DPP10: variants seen among roughly 807,000 people sequenced by gnomAD.
The protein encoded by DPP10 is inactive dipeptidyl peptidase 10.
DPP10 carries 33 observed loss-of-function variants against 120.9 expected under a neutral mutation model. The observed-to-expected ratio is 0.27, with a 90% CI of 0.21 to 0.37. DPP10 has a LOEUF of 0.37. Among genes scored for constraint, DPP10 ranks in the 10% least tolerant of loss-of-function variants. The pLI is 1.00. For synonymous variants in DPP10, 337 were observed against 326.1 expected (o/e 1.03, Z -0.36); for missense variants, 816 against 942.8 (o/e 0.87, Z 1.76).
chr2:114,823,944 G>C (rs1462711894), intron 1 of DPP10, among the ~76,000 whole-genome samples: 1 of 152,160 alleles, frequency 6.6e-6, no homozygotes, highest in Non-Finnish European at 1.5e-5. Flanking sequence ...GGATGGAAAG[G>C]GACTGGGAGG....
intron 2 of DPP10, among the ~76,000 whole-genome samples, chr2:115,321,295 C>A (rs1421850599): frequency 6.6e-6 from 1 of 152,056 alleles, no homozygotes; most frequent in African/African-American, 2.4e-5. Flanking sequence ...GAGTGAAACC[C>A]CATCTCAAAA....
At chr2:115,793,697 AAT>A (rs1362603549) in intron 19 of DPP10, among the ~76,000 whole-genome samples, 2,076 of 152,158 alleles carry the variant, frequency 0.014, 50 homozygotes, top group African/African-American at 0.045. Flanking sequence ...AGGAAGAATG[AAT>A]GAAAATGAGT....
intron 3 of DPP10, among the ~76,000 whole-genome samples, chr2:115,458,662 A>T (rs892395617): frequency 1.3e-5 from 2 of 152,104 alleles, no homozygotes; most frequent in African/African-American, 4.8e-5. Flanking sequence ...ATATATACGT[A>T]TTGAGCATTG....
At chr2:114,956,727 A>T (rs555089663) in intron 1 of DPP10, among the ~76,000 whole-genome samples, 43 of 152,140 alleles carry the variant, frequency 2.8e-4, no homozygotes, top group Non-Finnish European at 5.7e-4. Flanking sequence ...GAAACAGAAT[A>T]ATACTGGCAT....
chr2:115,018,543 A>G (rs1449736198), intron 1 of DPP10, among the ~76,000 whole-genome samples: 6 of 152,178 alleles, frequency 3.9e-5, no homozygotes, highest in African/African-American at 1.4e-4. Context: ...GAATGAGTGA[A>G]AAAATATGTC....
intron 3 of DPP10, among the ~76,000 whole-genome samples, chr2:115,414,454 A>C (rs1198864508): frequency 1.3e-5 from 2 of 152,222 alleles, no homozygotes; most frequent in African/African-American, 2.4e-5. Flanking sequence ...AAATCAATTA[A>C]TACTATTTAA....
intron 7 of DPP10, among the ~76,000 whole-genome samples, chr2:115,724,588 T>A (rs1453637636): frequency 6.6e-6 from 1 of 152,188 alleles, no homozygotes; most frequent in Non-Finnish European, 1.5e-5. Context: ...AGACCATTGA[T>A]TTTGAAAAAC....
intron 4 of DPP10, among the ~76,000 whole-genome samples, chr2:115,509,572 G>T (rs2077119359): frequency 6.6e-6 from 1 of 152,040 alleles, no homozygotes; most frequent in Non-Finnish European, 1.5e-5. Flanking sequence ...GAACCTTTAA[G>T]TTAAAAATAG....
At chr2:114,678,930 G>A (rs1024301978) in intron 1 of DPP10, among the ~76,000 whole-genome samples, 2 of 151,878 alleles carry the variant, frequency 1.3e-5, no homozygotes, top group South Asian at 2.1e-4. Flanking sequence ...TCAGACACAC[G>A]GATGCGTCTC....
chr2:114,963,394 G>A (rs888052534), intron 1 of DPP10, among the ~76,000 whole-genome samples: 1 of 152,128 alleles, frequency 6.6e-6, no homozygotes, highest in Non-Finnish European at 1.5e-5. Context: ...AGGAAAAAAA[G>A]CGTAATTTGC....
At chr2:115,281,885 A>C (rs2105878916) in intron 1 of DPP10, among the ~76,000 whole-genome samples, 1 of 152,226 alleles carries the variant, frequency 6.6e-6, no homozygotes, top group South Asian at 2.1e-4. Context: ...ATACTGAGAA[A>C]TTTTAGAAAT....
intron 1 of DPP10, among the ~76,000 whole-genome samples, chr2:114,698,777 C>T (rs1399324181): frequency 6.6e-6 from 1 of 152,072 alleles, no homozygotes; most frequent in African/African-American, 2.4e-5. Context: ...TGGCTTCTTG[C>T]ATTTTCACAG....
chr2:115,668,403 C>A (rs185259864), intron 5 of DPP10, among the ~76,000 whole-genome samples: 1 of 152,094 alleles, frequency 6.6e-6, no homozygotes, highest in African/African-American at 2.4e-5. Flanking sequence ...GTCTTACATG[C>A]TCATTCACCA....
intron 1 of DPP10, among the ~76,000 whole-genome samples, chr2:115,166,581 T>TATATTATATAAATTTATAATATAAATA (rs1229855889): frequency 7.0e-6 from 1 of 143,620 alleles, no homozygotes; most frequent in Non-Finnish European, 1.5e-5. Flanking sequence ...AATATAAATA[T>TATATTATATAAATTTATAATATAAATA]TATATATAAG....
intron 1 of DPP10, among the ~76,000 whole-genome samples, chr2:115,061,822 C>A (rs1158498041): frequency 1.3e-5 from 2 of 152,056 alleles, no homozygotes; most frequent in Non-Finnish European, 2.9e-5. Flanking sequence ...ATGAGCACAG[C>A]ATGTTGAAGA....
chr2:115,060,602 A>G (rs1706326293), intron 1 of DPP10, among the ~76,000 whole-genome samples: 1 of 152,178 alleles, frequency 6.6e-6, no homozygotes, highest in Admixed American at 6.5e-5. Context: ...AAATTGATAG[A>G]TAGAATAATA....
chr2:114,829,464 A>C (rs1484578296), intron 1 of DPP10, among the ~76,000 whole-genome samples: 1 of 149,582 alleles, frequency 6.7e-6, no homozygotes, highest in African/African-American at 2.5e-5. Context: ...GCTCACTGCA[A>C]CCTCCGCCTC....
At chr2:115,012,284 A>G (rs1702319630) in intron 1 of DPP10, among the ~76,000 whole-genome samples, 1 of 152,002 alleles carries the variant, frequency 6.6e-6, no homozygotes, top group Non-Finnish European at 1.5e-5. Flanking sequence ...TGAATACTGA[A>G]CCAGGTGTCC....
intron 1 of DPP10, among the ~76,000 whole-genome samples, chr2:114,685,261 A>G (rs1173268315): frequency 6.6e-6 from 1 of 151,922 alleles, no homozygotes; most frequent in Non-Finnish European, 1.5e-5. Flanking sequence ...CCCGTAACTC[A>G]TGAGAAAAAC....
Sources: allele counts gnomAD v4.1 joint callset (sites outside exome capture counted in the v4.1 genomes callset), GRCh38; gene constraint gnomAD v4.1.1; transcripts MANE v1.5; gene names NCBI Gene and HGNC (gene_info 2026-07-23, HGNC 2026-07-21).